CHSY3: variants seen among roughly 807,000 people sequenced by gnomAD.
CHSY3 encodes the protein N-acetylgalactosaminyl-proteoglycan 3-beta-glucuronosyltransferase 3.
Under a neutral mutation model 67.2 loss-of-function variants are expected in CHSY3, and 35 were observed. The observed-to-expected ratio is 0.52, with a 90% CI of 0.40 to 0.69. The LOEUF is 0.69. Ranked by LOEUF, CHSY3 falls within the 30% of genes least tolerant of loss-of-function variation. CHSY3 has a pLI of 0.00. For synonymous variants in CHSY3, 474 were observed against 434.7 expected, an observed-to-expected ratio of 1.09 and a Z score of -1.12; for missense variants, 1,069 against 1,138.5, an observed-to-expected ratio of 0.94 and a Z score of 0.88.
intron 2 of CHSY3, among the ~76,000 whole-genome samples, chr5:130,183,581 GT>G (rs1358423166): frequency 6.6e-6 from 1 of 152,052 alleles, no homozygotes; most frequent in Non-Finnish European, 1.5e-5. Context: ...TCCGTGATCT[GT>G]TATGGGGTTA....
chr5:130,165,506 T>C (rs2149730239), intron 2 of CHSY3, among the ~76,000 whole-genome samples: 1 of 152,294 alleles, frequency 6.6e-6, no homozygotes, highest in Admixed American at 6.5e-5. Context: ...AAATCCATTA[T>C]CGTGTCCTTT....
chr5:130,083,457 C>T (rs902516877), intron 2 of CHSY3, among the ~76,000 whole-genome samples: 5 of 152,018 alleles, frequency 3.3e-5, no homozygotes, highest in Non-Finnish European at 7.4e-5. Flanking sequence ...TTTCTCAAGA[C>T]TCATTTCCAC....
At chr5:129,969,515 A>T (rs1762575259) in intron 2 of CHSY3, among the ~76,000 whole-genome samples, 1 of 151,880 alleles carries the variant, frequency 6.6e-6, no homozygotes, top group African/African-American at 2.4e-5. Context: ...AATTAATTTG[A>T]AATACTGCAT....
chr5:129,912,077 C>A (rs539209809), intron 2 of CHSY3, among the ~76,000 whole-genome samples: 44 of 152,010 alleles, frequency 2.9e-4, no homozygotes, highest in African/African-American at 9.2e-4. Context: ...ACAACAACAA[C>A]AAAAAAACTT....
chr5:130,176,085 T>A lies in CHSY3; in HGVS notation c.1087-8144T>A, dbSNP rs565096814. Among the ~76,000 whole-genome samples the A allele has an allele frequency of 2.1e-4, 32 of 152,016 alleles. No individual in the cohort carries two copies. The Middle Eastern group carries it at 0.01, about 48-fold the overall frequency. The stretch of plus-strand genomic sequence containing the variant: ...AGGCAACCTACAGAATGGGAGAAAA[T>A]TATTGCAATCTATCCAGCTGACAAA... On this transcript the variant is annotated intron_variant, in intron 2 of 2. Coordinates refer to ENST00000305031, the MANE Select transcript of CHSY3 (RefSeq NM_175856.5).
chr5:130,184,367 A>C lies in CHSY3; in HGVS notation c.1225A>C (p.Met409Leu). ...PAYQYRLHNY[M>L]LSRKISELRY... is the part of the protein sequence containing the mutation. ...ATACCAATACAGGCTGCATAATTAC[A>C]TGCTCAGCCGCAAAATTTCTGAACT... Residue 409 changes from methionine to leucine, a missense_variant, in exon 3 of 3, where the codon ATG (methionine) becomes CTG (leucine). Around this residue, in one of 5 missense-constraint regions of CHSY3, gnomAD observed 216 missense variants for 311.5 expected, o/e 0.69. Coordinates refer to ENST00000305031, the MANE Select transcript of CHSY3 (RefSeq NM_175856.5). 6.2e-7 allele frequency: 1 copy of C among 1,614,120 alleles called. No individual in the cohort carries two copies. Among genetic ancestry groups the C allele is most frequent in the Non-Finnish European group, 8.5e-7 (1 of 1,179,950 alleles).
At chr5:130,089,456 G>A (rs955422227) in intron 2 of CHSY3, among the ~76,000 whole-genome samples, 1 of 152,034 alleles carries the variant, frequency 6.6e-6, no homozygotes, top group African/African-American at 2.4e-5. Flanking sequence ...TAAGCATCAA[G>A]TAACCAAAGA....
intron 2 of CHSY3, among the ~76,000 whole-genome samples, chr5:130,037,241 C>T (rs532961460): frequency 6.6e-6 from 1 of 152,182 alleles, no homozygotes; most frequent in South Asian, 2.1e-4. Flanking sequence ...ACAGAAGGAG[C>T]ATGGTGAGTT....
At chr5:129,916,542 G>T (rs1360935634) in intron 2 of CHSY3, among the ~76,000 whole-genome samples, 1 of 152,000 alleles carries the variant, frequency 6.6e-6, no homozygotes, top group Non-Finnish European at 1.5e-5. Flanking sequence ...TATTAAAACT[G>T]TATTTTAATA....
At chr5:130,140,111 G>C (rs901002742) in intron 2 of CHSY3, 1 of 219,406 alleles carries the variant, frequency 4.6e-6, no homozygotes, top group Admixed American at 5.9e-5. Context: ...AACAAGTAGA[G>C]ATAATTGCCA....
At chr5:129,946,848 G>T (rs974325732) in intron 2 of CHSY3, among the ~76,000 whole-genome samples, 5 of 152,050 alleles carry the variant, frequency 3.3e-5, no homozygotes, top group Admixed American at 3.3e-4. Flanking sequence ...CACCCAAGCC[G>T]TTTATATATC....
In CHSY3 at chr5:130,143,768, G is replaced by GTGTGTGTA. The variant is rs1347923514; in HGVS notation, c.1087-40460_1087-40459insGTGTGTAT. Among the ~76,000 whole-genome samples, 124 of 64,968 alleles carry GTGTGTGTA rather than the reference G, an allele frequency of 1.9e-3. 4 individuals are homozygous for GTGTGTGTA. Among genetic ancestry groups the GTGTGTGTA allele is most frequent in the African/African-American group, 6.3e-3 (107 of 16,932 alleles). 42.6% of individuals were successfully genotyped at this position (64,968 alleles called of 152,430 possible). On this transcript the variant is annotated intron_variant, in intron 2 of 2. Transcript: ENST00000305031. ...TATATATATATATATGTGTGTGTGT[G>GTGTGTGTA]TATATATATATATGTGTATATATAT...
chr5:130,096,911 T>C (rs149307042), intron 2 of CHSY3, among the ~76,000 whole-genome samples: 3 of 152,334 alleles, frequency 2.0e-5, no homozygotes, highest in Admixed American at 2.0e-4. Context: ...AGTATTAACA[T>C]TTTATTGCTC....
chr5:130,061,435 C>T (rs2149676710), intron 2 of CHSY3, among the ~76,000 whole-genome samples: 1 of 152,128 alleles, frequency 6.6e-6, no homozygotes, highest in South Asian at 2.1e-4. Flanking sequence ...AACATAAGAC[C>T]TGAAACTATA....
At chr5:130,140,869 T>G in intron 2 of CHSY3, 282 of 322,006 alleles carry the variant, frequency 8.8e-4, no homozygotes, top group Non-Finnish European at 1.2e-3. Context: ...AGGCCAGTAT[T>G]GAGATCTATT....
chr5:130,044,838 C>G (rs184006709), intron 2 of CHSY3, among the ~76,000 whole-genome samples: 1 of 151,978 alleles, frequency 6.6e-6, no homozygotes, highest in Admixed American at 6.6e-5. Context: ...GGTCATTCCC[C>G]GGATGCTGAT....
intron 2 of CHSY3, among the ~76,000 whole-genome samples, chr5:129,941,746 C>T (rs1761706402): frequency 6.6e-6 from 1 of 152,122 alleles, no homozygotes; most frequent in Admixed American, 6.6e-5. Flanking sequence ...AGTTCTCATG[C>T]TCTCTACTTG....
chr5:130,073,796 T>TA (rs1227665551), intron 2 of CHSY3, among the ~76,000 whole-genome samples: 3 of 152,176 alleles, frequency 2.0e-5, no homozygotes, highest in Non-Finnish European at 2.9e-5. Flanking sequence ...AGTGCATACT[T>TA]ATGTTTATTT....
intron 2 of CHSY3, among the ~76,000 whole-genome samples, chr5:130,072,901 A>G (rs1347301733): frequency 6.6e-6 from 1 of 152,162 alleles, no homozygotes; most frequent in African/African-American, 2.4e-5. Flanking sequence ...ACAGAAAGAC[A>G]AACACTTCAT....
Sources: gnomAD v4.1 joint callset for allele counts (sites outside exome capture counted in the v4.1 genomes callset) on GRCh38, gnomAD v4.1.1 for gene constraint, gnomAD v4.1.1 regional missense constraint, MANE v1.5 for transcripts, NCBI Gene and HGNC (gene_info 2026-07-23, HGNC 2026-07-21) for gene names.